DTNB: variants seen among roughly 807,000 people sequenced by gnomAD.
The protein encoded by DTNB is DTN-B.
A neutral mutation model predicts 90.7 loss-of-function variants in DTNB; 63 were observed. That is an observed-to-expected ratio of 0.69 (90% CI 0.57 to 0.86). The LOEUF (loss-of-function observed/expected upper bound fraction) is 0.86, where lower values mean the gene tolerates loss of function less well. Ranked by LOEUF, DTNB falls within the 40% of genes least tolerant of loss-of-function variation. The pLI is 0.00. For missense variants in DTNB, 744 were observed against 807.1 expected, an observed-to-expected ratio of 0.92 and a Z score of 0.95; for synonymous variants, 277 against 286.7, an observed-to-expected ratio of 0.97 and a Z score of 0.34.
intron 4 of DTNB, among the ~76,000 whole-genome samples, chr2:25,625,406 T>G (rs1021776750): frequency 6.6e-6 from 1 of 152,172 alleles, no homozygotes; most frequent in Admixed American, 6.5e-5. Context: ...GATAGCCAAA[T>G]AAGCTCTATT....
chr2:25,593,918 C>T (rs1294454884), intron 6 of DTNB, among the ~76,000 whole-genome samples: 3 of 152,222 alleles, frequency 2.0e-5, no homozygotes, highest in African/African-American at 7.2e-5. Flanking sequence ...AGTACCATTC[C>T]AGAACTTGAT....
chr2:25,405,588 T>C (rs1250949375), intron 16 of DTNB, among the ~76,000 whole-genome samples: 7 of 152,042 alleles, frequency 4.6e-5, no homozygotes, highest in Non-Finnish European at 1.0e-4. Flanking sequence ...ACCACCAGTT[T>C]TGCTTTTTGT....
chr2:25,413,996 AT>A lies in DTNB; in HGVS notation c.1575+5518del, dbSNP rs563935736. ...TCTAACTGGTGTGAGATGGTATCTCATTGTGGTTTTGATTTGCATTTCTCTG... is the reference window on the plus strand; with the variant it reads ...TCTAACTGGTGTGAGATGGTATCTCATGTGGTTTTGATTTGCATTTCTCTG... On this transcript the variant is annotated intron_variant, in intron 16 of 20. Coordinates refer to ENST00000406818, the MANE Select transcript of DTNB (RefSeq NM_021907.5). Among the ~76,000 whole-genome samples the A allele has an allele frequency of 8.8e-3, 1,336 of 152,158 alleles. 26 individuals carry two copies. The highest frequency in any genetic ancestry group is 0.031 in the African/African-American group (1,277 of 41,470).
intron 7 of DTNB, among the ~76,000 whole-genome samples, 190 bp from the exon 8 acceptor site, chr2:25,577,194 G>C (rs1008630622): frequency 1.3e-5 from 2 of 152,182 alleles, no homozygotes; most frequent in African/African-American, 4.8e-5. Flanking sequence ...CAGCACTATG[G>C]GAGGCTGAGG....
intron 7 of DTNB, among the ~76,000 whole-genome samples, chr2:25,577,779 G>A (rs1275320192): frequency 6.6e-6 from 1 of 152,198 alleles, no homozygotes; most frequent in Non-Finnish European, 1.5e-5. Context: ...GAGGCGGGCA[G>A]ATCACGAGGT....
intron 1 of DTNB, among the ~76,000 whole-genome samples, chr2:25,671,069 G>A (rs1291643617): frequency 6.6e-6 from 1 of 152,208 alleles, no homozygotes; most frequent in Non-Finnish European, 1.5e-5. Flanking sequence ...TGCAAGAGTA[G>A]TGATGCTGGC....
chr2:25,418,257 AC>A (rs2149787601), intron 16 of DTNB, among the ~76,000 whole-genome samples: 1 of 151,868 alleles, frequency 6.6e-6, no homozygotes, highest in East Asian at 1.9e-4. Flanking sequence ...TCTCCTCCGT[AC>A]CCTCTTCTCA....
intron 15 of DTNB, among the ~76,000 whole-genome samples, chr2:25,425,345 G>A (rs1558469107): frequency 6.6e-6 from 1 of 152,130 alleles, no homozygotes; most frequent in Non-Finnish European, 1.5e-5. Flanking sequence ...AACAGTAATT[G>A]TCTTGAGCAA....
chr2:25,673,030 C>T (rs1432118511), intron 1 of DTNB: 1 of 152,422 alleles, frequency 6.6e-6, no homozygotes, highest in Non-Finnish European at 1.5e-5. Flanking sequence ...CCTTCAGCAC[C>T]TAACGCAGAG....
In DTNB at chr2:25,388,093, C is replaced by T. The variant is rs977720107; in HGVS notation, c.1735+109G>A. On this transcript the variant is annotated intron_variant, in intron 17 of 20. Transcript: ENST00000406818. ...TTTACACTGTCTGTCAAAATCTGAT[C>T]ATTCCAAGCAAAGAGCACAAAACAG... is the stretch of plus-strand genomic sequence containing the variant. 8.7e-6 allele frequency: 13 copies of T among 1,489,278 alleles called. No individual in the cohort carries two copies. In the Admixed American group the frequency reaches 2.3e-4, roughly 26 times the overall value. The allele number at this position is 1,489,278 out of a possible 1,614,324, so 92.3% of individuals were successfully genotyped here.
intron 2 of DTNB, among the ~76,000 whole-genome samples, chr2:25,641,591 C>T (rs1235448025): frequency 6.6e-6 from 1 of 152,186 alleles, no homozygotes; most frequent in Non-Finnish European, 1.5e-5. Flanking sequence ...TCCACAACTA[C>T]TTCCAAATAT....
chr2:25,629,626 GA>G (rs1025132449), intron 3 of DTNB, among the ~76,000 whole-genome samples: 5 of 151,976 alleles, frequency 3.3e-5, no homozygotes, highest in African/African-American at 7.2e-5. Flanking sequence ...TTCGTAACAG[GA>G]AAAAAAGGGG....
At chr2:25,566,454 G>A (rs2059054855) in intron 8 of DTNB, among the ~76,000 whole-genome samples, 2 of 152,334 alleles carry the variant, frequency 1.3e-5, no homozygotes, top group Non-Finnish European at 1.5e-5. Context: ...ACTATTTTAA[G>A]CAGTTAAATT....
intron 8 of DTNB, among the ~76,000 whole-genome samples, chr2:25,557,539 A>T (rs1157665969): frequency 6.6e-6 from 1 of 152,214 alleles, no homozygotes; most frequent in African/African-American, 2.4e-5. Context: ...GCTCTAAAAC[A>T]GTGTTTTCCA....
intron 15 of DTNB, 145 bp from the exon 16 acceptor site, chr2:25,419,680 GC>G: frequency 1.9e-6 from 2 of 1,045,770 alleles, no homozygotes; most frequent in Non-Finnish European, 2.7e-6. Context: ...GAGATCAAAG[GC>G]CCCATCCCCC....
intron 7 of DTNB, among the ~76,000 whole-genome samples, chr2:25,579,070 G>T (rs1326659680): frequency 6.7e-6 from 1 of 150,166 alleles, no homozygotes; most frequent in East Asian, 1.9e-4. Flanking sequence ...CTTTATAAAA[G>T]TCACAAAAAA....
At chr2:25,628,942 G>C (rs2075070105) in intron 3 of DTNB, among the ~76,000 whole-genome samples, 1 of 152,176 alleles carries the variant, frequency 6.6e-6, no homozygotes, top group African/African-American at 2.4e-5. Flanking sequence ...CATTATTTAA[G>C]AGGCTGACTT....
chr2:25,506,179 G>C (rs34152213), intron 9 of DTNB, among the ~76,000 whole-genome samples: 52 of 152,154 alleles, frequency 3.4e-4, no homozygotes, highest in South Asian at 1.2e-3. Context: ...TTGGTTAATG[G>C]GTACAAACAC....
chr2:25,392,095 C>G (rs1162094833), intron 16 of DTNB, among the ~76,000 whole-genome samples: 1 of 151,932 alleles, frequency 6.6e-6, no homozygotes, highest in Non-Finnish European at 1.5e-5. Context: ...GAAACACATA[C>G]ACACAAAACA....
Sources: allele counts gnomAD v4.1 joint callset (sites outside exome capture counted in the v4.1 genomes callset), GRCh38; gene constraint gnomAD v4.1.1; transcripts MANE v1.5; gene names NCBI Gene and HGNC (gene_info 2026-07-23, HGNC 2026-07-21).